The following USP10 variants were observed in gnomAD, a reference collection of about 807,000 sequenced individuals.
The protein encoded by USP10 is ubiquitin carboxyl-terminal hydrolase 10.
A neutral mutation model predicts 84.5 loss-of-function variants in USP10; 22 were observed. That is an observed-to-expected ratio of 0.26 (90% CI 0.19 to 0.37). The LOEUF is 0.37. USP10 is among the 10% of genes least tolerant of loss of function. The pLI is 1.00. For missense variants in USP10, 1,019 were observed against 998.9 expected, an observed-to-expected ratio of 1.02 and a Z score of -0.27; for synonymous variants, 454 against 387.6, an observed-to-expected ratio of 1.17 and a Z score of -2.01.
intron 3 of USP10, among the ~76,000 whole-genome samples, chr16:84,743,559 A>G (rs1910871111): frequency 6.6e-6 from 1 of 152,236 alleles, no homozygotes; most frequent in Admixed American, 6.5e-5. Context: ...GCCTTGAAAA[A>G]AAAATTGGCC....
At chr16:84,708,412 C>T (rs1396450086) in intron 1 of USP10, among the ~76,000 whole-genome samples, 1 of 152,166 alleles carries the variant, frequency 6.6e-6, no homozygotes, top group African/African-American at 2.4e-5. Context: ...GATCACGCCA[C>T]TTCACTCCAG....
rs188234624 is a variant in USP10 at position 84,763,768 on chromosome 16, C to A, written c.1655-318C>A. Among the ~76,000 whole-genome samples the A allele has an allele frequency of 2.6e-5, 4 of 151,678 alleles. No homozygotes were observed. In the East Asian group the frequency reaches 7.8e-4, roughly 29 times the overall value. On this transcript the variant is annotated intron_variant, in intron 9 of 13. Transcript: ENST00000219473. ...GCATTGCGCCTGTTGTGATTGGTTG[C>A]CGTGGATCCAGTGACGTTGCACCTG...
intron 1 of USP10, among the ~76,000 whole-genome samples, chr16:84,726,756 T>C (rs761893248): frequency 3.3e-5 from 5 of 152,212 alleles, no homozygotes; most frequent in Non-Finnish European, 7.4e-5. Flanking sequence ...CTTCTCTAGT[T>C]CACAGTCTTA....
At chr16:84,757,397 GTGGGGGTGT>G (rs1022345278) in intron 4 of USP10, among the ~76,000 whole-genome samples, 1 of 78,566 alleles carries the variant, frequency 1.3e-5, no homozygotes, top group East Asian at 2.9e-4. Context: ...AATGAGAGGG[GTGGGGGTGT>G]GTGTGTGTGT....
At chr16:84,727,041 C>T (rs866503601) in intron 1 of USP10, among the ~76,000 whole-genome samples, 1 of 152,228 alleles carries the variant, frequency 6.6e-6, no homozygotes, top group African/African-American at 2.4e-5. Context: ...GTCACAGTTT[C>T]TGTGGTGTGG....
intron 1 of USP10, among the ~76,000 whole-genome samples, chr16:84,700,862 G>A (rs1484488721): frequency 6.6e-6 from 1 of 152,052 alleles, no homozygotes; most frequent in African/African-American, 2.4e-5. Context: ...TGGGAGATGT[G>A]CGTGTAGAGT....
Position 84,745,490 on chromosome 16 carries a change from A to T in USP10, c.1009A>T (p.Ser337Cys). The T allele has an allele frequency of 6.2e-7, 1 of 1,613,528 alleles. No individual in the cohort carries two copies. The highest frequency in any genetic ancestry group is 8.5e-7 in the Non-Finnish European group (1 of 1,179,630). The change falls in exon 4 of 14, where the codon AGC becomes TGC. Residue 337 changes from serine (S) to cysteine (C), a missense_variant. Physicochemically the swap from Ser to Cys is moderately radical, Grantham distance 112. Transcript: ENST00000219473. The part of the protein sequence containing the change: ...TGSASGTLPV[S>C]QPKSWASLFH... ...CTCTGCATCAGGCACCCTTCCTGTCAGCCAGCCCAAGTCCTGGGCCAGCCT... is the reference window on the plus strand; with the variant it reads ...CTCTGCATCAGGCACCCTTCCTGTCTGCCAGCCCAAGTCCTGGGCCAGCCT...
Position 84,760,407 on chromosome 16 carries a change from A to G in USP10, c.1554+132A>G, listed in dbSNP as rs980621938. The G allele has an allele frequency of 2.7e-5, 20 of 736,874 alleles. No homozygotes were observed. In the East Asian group the frequency reaches 4.6e-4, roughly 17 times the overall value. 45.6% of individuals were successfully genotyped at this position (736,874 alleles called of 1,614,324 possible). ...AGTAGATGTAGGTTTATAAGAGTCC[A>G]TTGCTTGGATGATATGGTGCACCAA... is the stretch of plus-strand genomic sequence containing the variant. On this transcript the variant is annotated intron_variant, in intron 8 of 13. Transcript: ENST00000219473.
At chr16:84,772,727 T>C (rs890471200) in intron 12 of USP10, 42 bp downstream of exon 12, 1 of 1,607,826 alleles carries the variant, frequency 6.2e-7, no homozygotes, top group South Asian at 1.1e-5. Flanking sequence ...GGTGACACAC[T>C]CCTGCACATC....
intron 11 of USP10, among the ~76,000 whole-genome samples, chr16:84,770,688 C>T (rs1043789534): frequency 6.7e-6 from 1 of 149,762 alleles, no homozygotes; most frequent in African/African-American, 2.5e-5. Context: ...AGGAGAATGG[C>T]GTGAACCTGG....
At chr16:84,715,036 C>T (rs1339686812) in intron 1 of USP10, among the ~76,000 whole-genome samples, 1 of 151,436 alleles carries the variant, frequency 6.6e-6, no homozygotes, top group Admixed American at 6.6e-5. Context: ...TAAAGCGATT[C>T]TCCTGCCTCA....
intron 1 of USP10, among the ~76,000 whole-genome samples, chr16:84,714,807 G>T (rs896980049): frequency 1.3e-5 from 2 of 151,730 alleles, no homozygotes; most frequent in African/African-American, 4.8e-5. Flanking sequence ...GGGATATTAA[G>T]AAGATACTTA....
chr16:84,750,086 G>A (rs1911734029), intron 4 of USP10, among the ~76,000 whole-genome samples: 1 of 152,098 alleles, frequency 6.6e-6, no homozygotes, highest in South Asian at 2.1e-4. Context: ...GGAGATGGTT[G>A]CCATTTATCA....
intron 1 of USP10, chr16:84,733,177 A>G: frequency 1.8e-6 from 1 of 540,728 alleles, no homozygotes; most frequent in Non-Finnish European, 3.5e-6. Context: ...CAAGTTTGGC[A>G]TACAAAATTG....
At chr16:84,766,900 C>T (rs1001413545) in intron 10 of USP10, among the ~76,000 whole-genome samples, 7 of 152,310 alleles carry the variant, frequency 4.6e-5, no homozygotes, top group African/African-American at 1.7e-4. Flanking sequence ...ACTTCTAAAA[C>T]TCAGCCTCTT....
chr16:84,764,365 T>A (rs1913578435), intron 10 of USP10, 102 bp downstream of exon 10: 8 of 1,481,690 alleles, frequency 5.4e-6, no homozygotes, highest in Non-Finnish European at 6.5e-6. Flanking sequence ...TTCTTGGACG[T>A]AATGGTTTGC....
intron 4 of USP10, among the ~76,000 whole-genome samples, chr16:84,756,045 C>T (rs1373484320): frequency 6.6e-6 from 1 of 152,112 alleles, no homozygotes; most frequent in African/African-American, 2.4e-5. Flanking sequence ...CTGACCTTCC[C>T]AGAGTTTCTG....
At chr16:84,771,461 C>T (rs1217812091) in intron 11 of USP10, among the ~76,000 whole-genome samples, 2 of 152,102 alleles carry the variant, frequency 1.3e-5, no homozygotes, top group African/African-American at 4.8e-5. Flanking sequence ...TGCCACTGCA[C>T]TCCAGCATGG....
intron 1 of USP10, among the ~76,000 whole-genome samples, chr16:84,701,321 C>T (rs936216065): frequency 2.6e-5 from 4 of 152,158 alleles, no homozygotes; most frequent in African/African-American, 9.7e-5. Context: ...ATCAGAATTT[C>T]CCCCTTTAAC....
Sources: gnomAD v4.1 joint callset for allele counts (sites outside exome capture counted in the v4.1 genomes callset) on GRCh38, gnomAD v4.1.1 for gene constraint, MANE v1.5 for transcripts, NCBI Gene and HGNC (gene_info 2026-07-23, HGNC 2026-07-21) for gene names.